Variants in LOC128092252 observed in about 807,000 individuals in gnomAD.
At chr15:50,656,196 C>T in the LOC128092252 span, among the ~76,000 whole-genome samples, 1 of 152,072 alleles carries the variant, frequency 6.6e-6, no homozygotes, top group South Asian at 2.1e-4. Flanking sequence ...TTGGCATCGT[C>T]AAACAAGAGA....
chr15:50,671,721 G>T, the LOC128092252 span, among the ~76,000 whole-genome samples: 1 of 151,924 alleles, frequency 6.6e-6, no homozygotes, highest in East Asian at 1.9e-4. Context: ...AAGGTGGGAG[G>T]ATCATTTGAG....
At chr15:50,676,925 C>G in the LOC128092252 span, among the ~76,000 whole-genome samples, 1 of 152,212 alleles carries the variant, frequency 6.6e-6, no homozygotes, top group African/African-American at 2.4e-5. Context: ...ATGGGGCAGC[C>G]TCCAGGCAGC....
the LOC128092252 span, among the ~76,000 whole-genome samples, chr15:50,678,571 TTA>T: frequency 6.0e-5 from 9 of 150,288 alleles, no homozygotes; most frequent in African/African-American, 1.9e-4. Context: ...CATAATTTTA[TTA>T]TGTCACAGAG....
chr15:50,668,042 T>C, the LOC128092252 span, among the ~76,000 whole-genome samples: 1 of 152,248 alleles, frequency 6.6e-6, no homozygotes, highest in Non-Finnish European at 1.5e-5. Context: ...CAAAATTCTT[T>C]GTCAATCGTG....
chr15:50,654,900 C>T, the LOC128092252 span, among the ~76,000 whole-genome samples: 1 of 148,426 alleles, frequency 6.7e-6, no homozygotes, highest in Admixed American at 6.8e-5. Context: ...ACTCGGGAGG[C>T]TGAGGCAGGA....
chr15:50,661,241 C>A, the LOC128092252 span, among the ~76,000 whole-genome samples: 1 of 152,102 alleles, frequency 6.6e-6, no homozygotes, highest in African/African-American at 2.4e-5. Flanking sequence ...TCCCAAAGTG[C>A]TGGGATTACA....
chr15:50,668,116 C>A, the LOC128092252 span, among the ~76,000 whole-genome samples: 4 of 152,112 alleles, frequency 2.6e-5, no homozygotes, highest in Admixed American at 2.6e-4. Flanking sequence ...ATGTTTTGAT[C>A]CTCTTCGAAA....
chr15:50,664,625 A>G, the LOC128092252 span, among the ~76,000 whole-genome samples: 1 of 152,236 alleles, frequency 6.6e-6, no homozygotes, highest in Non-Finnish European at 1.5e-5. Flanking sequence ...CTAGGCTCAC[A>G]GAAGATTAAC....
chr15:50,663,641 G>A, the LOC128092252 span, among the ~76,000 whole-genome samples: 1 of 152,104 alleles, frequency 6.6e-6, no homozygotes, highest in Admixed American at 6.6e-5. Flanking sequence ...ACCTTAAGAG[G>A]GGCTGGTATT....
the LOC128092252 span, among the ~76,000 whole-genome samples, chr15:50,666,496 G>A: frequency 2.6e-5 from 4 of 151,748 alleles, no homozygotes; most frequent in South Asian, 2.1e-4. Flanking sequence ...AGAAGAAAAC[G>A]AAGAGGAAGA....
At chr15:50,668,610 T>C in the LOC128092252 span, among the ~76,000 whole-genome samples, 1 of 152,108 alleles carries the variant, frequency 6.6e-6, no homozygotes, top group Admixed American at 6.6e-5. Context: ...GGGGTCCAAG[T>C]AATTCTCCTG....
chr15:50,658,781 G>C, the LOC128092252 span, among the ~76,000 whole-genome samples: 1 of 152,150 alleles, frequency 6.6e-6, no homozygotes, highest in Non-Finnish European at 1.5e-5. Flanking sequence ...AATTGTACAA[G>C]GTCGTTGACT....
the LOC128092252 span, among the ~76,000 whole-genome samples, chr15:50,679,538 A>ATATT: frequency 1.2e-3 from 54 of 43,886 alleles, 1 homozygote; most frequent in African/African-American, 5.4e-3. Flanking sequence ...ATATATATAT[A>ATATT]TTTTTTTTTT....
chr15:50,652,663 T>C, the LOC128092252 span, among the ~76,000 whole-genome samples: 1 of 151,248 alleles, frequency 6.6e-6, no homozygotes, highest in Non-Finnish European at 1.5e-5. Context: ...ATCGTTTAAG[T>C]GGGTACATTT....
chr15:50,670,070 T>C, the LOC128092252 span, among the ~76,000 whole-genome samples: 1 of 152,300 alleles, frequency 6.6e-6, no homozygotes, highest in Admixed American at 6.5e-5. Context: ...GAGTTATGGA[T>C]GGCCCTCAGC....
the LOC128092252 span, among the ~76,000 whole-genome samples, chr15:50,652,502 G>A: frequency 1.4e-5 from 2 of 144,438 alleles, no homozygotes; most frequent in Non-Finnish European, 3.0e-5. Flanking sequence ...CTCCAGCCTG[G>A]ACAATACAGC....
chr15:50,675,189 A>G, the LOC128092252 span, among the ~76,000 whole-genome samples: 1 of 152,244 alleles, frequency 6.6e-6, no homozygotes, highest in African/African-American at 2.4e-5. Flanking sequence ...CTAAAAATAT[A>G]AAAATTAGCT....
the LOC128092252 span, among the ~76,000 whole-genome samples, chr15:50,664,021 C>T: frequency 6.6e-6 from 1 of 151,830 alleles, no homozygotes; most frequent in African/African-American, 2.4e-5. Context: ...CAGATTTGGC[C>T]GCGTGCGGTG....
At chr15:50,683,922 G>A in the LOC128092252 span, among the ~76,000 whole-genome samples, 2 of 151,042 alleles carry the variant, frequency 1.3e-5, no homozygotes, top group African/African-American at 4.9e-5. Context: ...AGTGAATGGC[G>A]CAATCTTGGC....
Sources: gnomAD v4.1 joint callset for allele counts (sites outside exome capture counted in the v4.1 genomes callset) on GRCh38, gnomAD v4.1.1 for gene constraint, MANE v1.5 for transcripts.